The following TRAPPC9 variants were observed in gnomAD, a reference collection of about 807,000 sequenced individuals.
The protein encoded by TRAPPC9 is IKK2 binding protein.
TRAPPC9 carries 83 observed loss-of-function variants against 124.0 expected under a neutral mutation model. That is an observed-to-expected ratio of 0.67 (90% CI 0.56 to 0.80). TRAPPC9 has a LOEUF of 0.80. Ranked by LOEUF, TRAPPC9 falls within the 30% of genes least tolerant of loss-of-function variation. The pLI is 0.00. For missense variants in TRAPPC9, 1,302 were observed against 1,508.3 expected (o/e 0.86, Z 2.27); for synonymous variants, 638 against 617.5 (o/e 1.03, Z -0.49).
intron 17 of TRAPPC9, chr8:140,095,565 G>A (rs1199481698): frequency 6.6e-6 from 1 of 152,158 alleles, no homozygotes; most frequent in Non-Finnish European, 1.5e-5. Flanking sequence ...CTCCAGACAG[G>A]ACCCAAAGAA....
chr8:140,001,657 T>G (rs1232174004), intron 18 of TRAPPC9, among the ~76,000 whole-genome samples: 1 of 151,964 alleles, frequency 6.6e-6, no homozygotes, highest in East Asian at 1.9e-4. Flanking sequence ...AGAAGGACAA[T>G]AAGGAAATAC....
At position 140,450,929 on chromosome 8, in the gene TRAPPC9, C is replaced by T. The variant is rs771412791; in HGVS notation, c.445G>A (p.Glu149Lys). Residue 149 changes from glutamate to lysine, a missense_variant, in exon 2 of 23, where the codon GAG becomes AAG. Physicochemically the swap from Glu to Lys is moderately conservative, Grantham distance 56. This residue lies in a region of TRAPPC9 where 657 missense variants were observed against 811.2 expected (regional missense o/e 0.81). Coordinates refer to ENST00000438773, the MANE Select transcript of TRAPPC9 (RefSeq NM_001160372.4). ...ATGAACAGTGACTCGATGAAGTCCT[C>T]GATTCTCTTCTCCACCGTCTGGCAG... Reference protein sequence around the residue: ...EDCQTVEKRIEDFIESLFIVL... With the variant: ...EDCQTVEKRIKDFIESLFIVL... The T allele has an allele frequency of 6.8e-6, 11 of 1,614,014 alleles. No homozygotes were observed. Among genetic ancestry groups the T allele is most frequent in the East Asian group, 4.5e-5 (2 of 44,888 alleles).
intron 17 of TRAPPC9, among the ~76,000 whole-genome samples, chr8:140,109,844 C>A (rs2060731375): frequency 6.6e-6 from 1 of 152,212 alleles, no homozygotes; most frequent in African/African-American, 2.4e-5. Flanking sequence ...GGCCAGCCTG[C>A]CTGTTTCCTG....
chr8:139,918,113 G>A (rs887731926), intron 19 of TRAPPC9, among the ~76,000 whole-genome samples: 5 of 152,252 alleles, frequency 3.3e-5, no homozygotes, highest in Admixed American at 3.3e-4. Flanking sequence ...ATGGAAGTCT[G>A]TGATTCGCAG....
At chr8:140,199,332 T>C (rs1051728924) in intron 17 of TRAPPC9, among the ~76,000 whole-genome samples, 2 of 152,184 alleles carry the variant, frequency 1.3e-5, no homozygotes, top group African/African-American at 4.8e-5. Flanking sequence ...CCCTGGTATC[T>C]GGATACATGT....
At chr8:139,791,967 A>T (rs1822711105) in intron 21 of TRAPPC9, among the ~76,000 whole-genome samples, 1 of 152,116 alleles carries the variant, frequency 6.6e-6, no homozygotes, top group African/African-American at 2.4e-5. Context: ...GGCTCCCAGG[A>T]GCTACTTGTC....
chr8:140,410,840 CAA>C (rs750158682), intron 5 of TRAPPC9, among the ~76,000 whole-genome samples: 4 of 100,230 alleles, frequency 4.0e-5, no homozygotes, highest in East Asian at 2.7e-4. Context: ...GAGACTGTCT[CAA>C]AAAAAAAAAA....
At chr8:139,983,879 T>C (rs190741966) in intron 19 of TRAPPC9, among the ~76,000 whole-genome samples, 17 of 152,304 alleles carry the variant, frequency 1.1e-4, no homozygotes, top group African/African-American at 3.8e-4. Context: ...CAAAGTGGCT[T>C]TGATCAGCCA....
intron 17 of TRAPPC9, among the ~76,000 whole-genome samples, chr8:140,171,961 A>G (rs1324034268): frequency 6.6e-6 from 1 of 152,234 alleles, no homozygotes; most frequent in Non-Finnish European, 1.5e-5. Context: ...GAAAAGCAAC[A>G]GAAAATGACA....
intron 20 of TRAPPC9, among the ~76,000 whole-genome samples, chr8:139,903,841 G>C (rs1221576313): frequency 6.6e-6 from 1 of 152,114 alleles, no homozygotes; most frequent in African/African-American, 2.4e-5. Flanking sequence ...AGGAGTTCGA[G>C]ACCAGCCTGG....
intron 16 of TRAPPC9, among the ~76,000 whole-genome samples, chr8:140,222,254 A>G (rs1246399175): frequency 2.0e-5 from 3 of 152,138 alleles, no homozygotes; most frequent in Non-Finnish European, 2.9e-5. Context: ...TCTCTGCCAC[A>G]AGACCCTACT....
chr8:140,210,864 G>A (rs1441892199), intron 17 of TRAPPC9, among the ~76,000 whole-genome samples: 1 of 152,220 alleles, frequency 6.6e-6, no homozygotes, highest in African/African-American at 2.4e-5. Context: ...AAGTGTTCAA[G>A]GAGTAACTGG....
chr8:140,409,207 T>C (rs1438197378), intron 5 of TRAPPC9, among the ~76,000 whole-genome samples: 2 of 150,384 alleles, frequency 1.3e-5, no homozygotes, highest in African/African-American at 4.9e-5. Flanking sequence ...AACATAAAAA[T>C]GACCCTTAAG....
chr8:139,774,886 A>G (rs1298908243), intron 21 of TRAPPC9, among the ~76,000 whole-genome samples: 1 of 152,148 alleles, frequency 6.6e-6, no homozygotes, highest in Non-Finnish European at 1.5e-5. Flanking sequence ...GAGTGCCCGG[A>G]GGGGGACAGA....
At chr8:139,976,990 A>G (rs943316157) in intron 19 of TRAPPC9, among the ~76,000 whole-genome samples, 2 of 152,146 alleles carry the variant, frequency 1.3e-5, no homozygotes, top group Non-Finnish European at 2.9e-5. Flanking sequence ...TGCTGCCCCA[A>G]TTTCTCTCCC....
intron 19 of TRAPPC9, among the ~76,000 whole-genome samples, chr8:139,943,760 TA>T (rs892558725): frequency 9.2e-5 from 14 of 152,136 alleles, no homozygotes; most frequent in African/African-American, 3.4e-4. Flanking sequence ...GTATCTTTAA[TA>T]AACAATGCAT....
intron 5 of TRAPPC9, among the ~76,000 whole-genome samples, chr8:140,417,199 C>T (rs1019859599): frequency 1.1e-4 from 16 of 152,068 alleles, no homozygotes; most frequent in African/African-American, 3.6e-4. Flanking sequence ...CAACAAAAGC[C>T]AAAATTGAGA....
chr8:140,086,018 C>T (rs1844161970), intron 17 of TRAPPC9, among the ~76,000 whole-genome samples: 2 of 152,086 alleles, frequency 1.3e-5, no homozygotes, highest in Non-Finnish European at 2.9e-5. Context: ...ACACACAACT[C>T]TAAGAAGACT....
chr8:139,958,937 A>ACTGCATTCCGAGTCACACGGGGGAGCC (rs1835184045), intron 19 of TRAPPC9, among the ~76,000 whole-genome samples: 4 of 92,154 alleles, frequency 4.3e-5, no homozygotes, highest in African/African-American at 9.3e-5. Flanking sequence ...ACGGGGGAGC[A>ACTGCATTCCGAGTCACACGGGGGAGCC]CTGCATTCCG....
Sources: gnomAD v4.1 joint callset for allele counts (sites outside exome capture counted in the v4.1 genomes callset) on GRCh38, gnomAD v4.1.1 for gene constraint, gnomAD v4.1.1 regional missense constraint, MANE v1.5 for transcripts, NCBI Gene and HGNC (gene_info 2026-07-23, HGNC 2026-07-21) for gene names.